Variants in ZMAT4 observed in about 807,000 individuals in gnomAD.
The protein encoded by ZMAT4 is zinc finger matrin-type 4.
A neutral mutation model predicts 28.7 loss-of-function variants in ZMAT4; 17 were observed. That is an observed-to-expected ratio of 0.59 (90% confidence interval 0.41 to 0.89). The LOEUF (loss-of-function observed/expected upper bound fraction) is 0.89. Among genes scored for constraint, ZMAT4 ranks in the 40% least tolerant of loss-of-function variants. The pLI, the probability that ZMAT4 is intolerant of heterozygous loss-of-function variation, is 0.00. For missense variants in ZMAT4, 240 were observed against 283.8 expected (o/e 0.85, Z 1.11); for synonymous variants, 117 against 109.2 (o/e 1.07, Z -0.44).
chr8:40,852,786 T>C (rs1295123229), intron 1 of ZMAT4, among the ~76,000 whole-genome samples: 1 of 152,184 alleles, frequency 6.6e-6, no homozygotes, highest in African/African-American at 2.4e-5. Context: ...ATCTTCCAAA[T>C]GTTGATACAT....
intron 6 of ZMAT4, among the ~76,000 whole-genome samples, chr8:40,539,654 G>A (rs558621170): frequency 2.0e-5 from 3 of 152,314 alleles, no homozygotes; most frequent in South Asian, 4.1e-4. Flanking sequence ...ATGATATAAT[G>A]TAGATGAATG....
At chr8:40,779,929 A>T (rs4487749) in intron 2 of ZMAT4, among the ~76,000 whole-genome samples, 39 of 152,062 alleles carry the variant, frequency 2.6e-4, no homozygotes, top group Admixed American at 2.3e-3. Flanking sequence ...TGGAGCATGA[A>T]GGAAGCCCAC....
intron 2 of ZMAT4, among the ~76,000 whole-genome samples, chr8:40,807,855 C>T (rs1815157293): frequency 6.6e-6 from 1 of 152,174 alleles, no homozygotes; most frequent in African/African-American, 2.4e-5. Flanking sequence ...CCAAGGAATT[C>T]CAAAGACATT....
chr8:40,751,546 C>T (rs536343936), intron 3 of ZMAT4, among the ~76,000 whole-genome samples: 19 of 152,138 alleles, frequency 1.2e-4, no homozygotes, highest in African/African-American at 3.4e-4. Flanking sequence ...CCCCATGATC[C>T]GATCGCCTCC....
chr8:40,557,840 T>C (rs1440037278), intron 6 of ZMAT4, among the ~76,000 whole-genome samples: 1 of 152,072 alleles, frequency 6.6e-6, no homozygotes, highest in Non-Finnish European at 1.5e-5. Context: ...AGATAGATGA[T>C]AGATGGATAG....
chr8:40,560,636 A>G (rs559424392), intron 6 of ZMAT4, among the ~76,000 whole-genome samples: 6 of 152,238 alleles, frequency 3.9e-5, no homozygotes, highest in African/African-American at 1.2e-4. Flanking sequence ...CTGTCCTAAT[A>G]GATTTGCCTG....
chr8:40,552,047 GC>G, intron 6 of ZMAT4, among the ~76,000 whole-genome samples: 1 of 152,232 alleles, frequency 6.6e-6, no homozygotes, highest in Non-Finnish European at 1.5e-5. Context: ...AGCAGCCAGG[GC>G]CATAATGGCA....
At chr8:40,817,149 A>G (rs1385706425) in intron 2 of ZMAT4, among the ~76,000 whole-genome samples, 1 of 152,212 alleles carries the variant, frequency 6.6e-6, no homozygotes, top group Non-Finnish European at 1.5e-5. Flanking sequence ...TTGAAATTGT[A>G]TCTAGGAGAG....
chr8:40,811,055 C>T (rs891067062), intron 2 of ZMAT4, among the ~76,000 whole-genome samples: 2 of 152,128 alleles, frequency 1.3e-5, no homozygotes, highest in African/African-American at 2.4e-5. Flanking sequence ...GATCTGGGAA[C>T]CCTCATGTAC....
At chr8:40,678,710 T>A (rs1397469621) in intron 4 of ZMAT4, among the ~76,000 whole-genome samples, 1 of 152,198 alleles carries the variant, frequency 6.6e-6, no homozygotes, top group Admixed American at 6.5e-5. Flanking sequence ...CATTAGACAC[T>A]TTTGCATTGG....
At chr8:40,763,450 C>T (rs763011865) in intron 3 of ZMAT4, among the ~76,000 whole-genome samples, 1 of 151,466 alleles carries the variant, frequency 6.6e-6, no homozygotes, top group Admixed American at 6.6e-5. Flanking sequence ...GATGAAAGAT[C>T]ACTCATATAT....
chr8:40,754,117 C>T lies in ZMAT4; in HGVS notation c.192+13524G>A, dbSNP rs538625413. Among the ~76,000 whole-genome samples the T allele has an allele frequency of 5.3e-5, 8 of 151,282 alleles. No homozygotes were observed. The East Asian group carries it at 9.8e-4, about 18-fold the overall frequency. On this transcript the variant is annotated intron_variant, in intron 3 of 6. Transcript: ENST00000297737. ...AACCCGGGAGGCAGAGGCTGCAGTG[C>T]GCCGAGATCACGCCACTGCACTCCA...
intron 2 of ZMAT4, among the ~76,000 whole-genome samples, chr8:40,782,040 C>A (rs924541741): frequency 1.3e-5 from 2 of 152,076 alleles, no homozygotes; most frequent in African/African-American, 4.8e-5. Flanking sequence ...GATGTGACAC[C>A]AAAAGCACAT....
intron 5 of ZMAT4, among the ~76,000 whole-genome samples, chr8:40,583,783 G>A (rs1163334234): frequency 6.6e-6 from 1 of 152,104 alleles, no homozygotes; most frequent in Non-Finnish European, 1.5e-5. Context: ...ACAACTTGAG[G>A]CGGGGACTTC....
intron 5 of ZMAT4, among the ~76,000 whole-genome samples, chr8:40,650,951 C>A (rs1189474261): frequency 2.6e-5 from 4 of 151,208 alleles, no homozygotes; most frequent in Non-Finnish European, 5.9e-5. Flanking sequence ...CTATCTATGA[C>A]AAACCCACAG....
intron 6 of ZMAT4, among the ~76,000 whole-genome samples, chr8:40,536,743 C>T (rs766155473): frequency 4.6e-5 from 7 of 152,070 alleles, no homozygotes; most frequent in Non-Finnish European, 1.0e-4. Context: ...CCTGACACAA[C>T]AAAATGTATT....
intron 5 of ZMAT4, among the ~76,000 whole-genome samples, chr8:40,627,409 C>G (rs979954556): frequency 2.0e-5 from 3 of 152,122 alleles, no homozygotes; most frequent in Non-Finnish European, 1.5e-5. Context: ...CACATACACA[C>G]AAACGTGTAT....
chr8:40,806,647 C>A (rs958556234), intron 2 of ZMAT4, among the ~76,000 whole-genome samples: 1 of 152,162 alleles, frequency 6.6e-6, no homozygotes, highest in Non-Finnish European at 1.5e-5. Flanking sequence ...TTCTTTCTCA[C>A]CAAGTCATCC....
chr8:40,820,578 TTA>T (rs1337186883), intron 2 of ZMAT4, among the ~76,000 whole-genome samples: 1 of 135,460 alleles, frequency 7.4e-6, no homozygotes, highest in Non-Finnish European at 1.6e-5. Context: ...GTTTTGGTGT[TTA>T]TGTGTGTATC....
Sources: allele counts gnomAD v4.1 joint callset (sites outside exome capture counted in the v4.1 genomes callset), GRCh38; gene constraint gnomAD v4.1.1; transcripts MANE v1.5; gene names NCBI Gene and HGNC (gene_info 2026-07-23, HGNC 2026-07-21).